Variants in SON observed in about 807,000 individuals in gnomAD.
SON encodes protein SON.
Under a neutral mutation model 173.3 loss-of-function variants are expected in SON, and 4 were observed. That is an observed-to-expected ratio of 0.02 (90% CI 0.01 to 0.05). The LOEUF (loss-of-function observed/expected upper bound fraction) is 0.05, where lower values mean the gene tolerates loss of function less well. Ranked by LOEUF, SON falls within the 10% of genes least tolerant of loss-of-function variation. The probability of loss-of-function intolerance (pLI) is 1.00; values close to 1 mark genes in which losing one functional copy is unlikely to be tolerated. For synonymous variants in SON, 1,190 were observed against 1,105.9 expected, an observed-to-expected ratio of 1.08 and a Z score of -1.51; for missense variants, 2,626 against 3,055.3, an observed-to-expected ratio of 0.86 and a Z score of 3.31.
chr21:33,565,891 G>C (rs953355379), intron 6 of SON, among the ~76,000 whole-genome samples: 1 of 152,152 alleles, frequency 6.6e-6, no homozygotes, highest in Non-Finnish European at 1.5e-5. Context: ...TAGTTTATTA[G>C]CAAGGTAACT....
Position 33,559,826 on chromosome 21 carries a change from C to G in SON, c.6657+51C>G. 1 of 1,605,098 alleles carries G rather than the reference C, an allele frequency of 6.2e-7. No homozygotes were observed. The highest frequency in any genetic ancestry group is 8.5e-7 in the Non-Finnish European group (1 of 1,174,280). On this transcript the variant is annotated intron_variant, in intron 6 of 11. Transcript: ENST00000356577. The surrounding 1 kb of genome is among the most constrained non-coding windows in gnomAD (Gnocchi z 4.1). The stretch of plus-strand genomic sequence containing the variant: ...TTTCCTTTTTTATACCTGAATCTGC[C>G]ATTTCATTGTTATGTTATGTCTGAT...
At chr21:33,570,345 AT>A (rs1420987026) in intron 8 of SON, 1 of 152,176 alleles carries the variant, frequency 6.6e-6, no homozygotes, top group Non-Finnish European at 1.5e-5. Flanking sequence ...GTGTATTTTA[AT>A]CTTGTAACAT....
In SON at chr21:33,553,706, G is replaced by A. The variant is rs1456742698; in HGVS notation, c.4475G>A (p.Gly1492Asp). The change falls in exon 3 of 12, where the codon GGT (glycine) becomes GAT (aspartate). Residue 1492 changes from glycine to aspartate, a missense_variant. Physicochemically the swap from Gly to Asp is moderately conservative, Grantham distance 94. Transcript: ENST00000356577. ...ATGAAAGGAATTAATCTATCCTCTG[G>A]TGATCAAAATCTTGCTCCAGAGATT... Reference protein sequence around the residue: ...HVMKGINLSSGDQNLAPEIGM... With the variant: ...HVMKGINLSSDDQNLAPEIGM... The A allele has an allele frequency of 6.2e-6, 10 of 1,613,998 alleles. No individual in the cohort carries two copies. The highest frequency in any genetic ancestry group is 8.5e-6 in the Non-Finnish European group (10 of 1,179,994).
At chr21:33,570,554 G>A (rs1331982840) in intron 8 of SON, among the ~76,000 whole-genome samples, 3 of 152,126 alleles carry the variant, frequency 2.0e-5, no homozygotes, top group Admixed American at 2.0e-4. Flanking sequence ...GGGTGAAAAT[G>A]TATATAGCAA....
intron 1 of SON, among the ~76,000 whole-genome samples, chr21:33,544,386 G>T (rs1450846935): frequency 6.6e-6 from 1 of 152,222 alleles, no homozygotes; most frequent in Non-Finnish European, 1.5e-5. Flanking sequence ...ATCTCTGGCT[G>T]CAATAAGTAG....
In SON at chr21:33,550,307, A is replaced by G. The variant is rs1163713589; in HGVS notation, c.1076A>G (p.Gln359Arg). ...EIADSSMTRP[Q>R]ELPELPKTTA... is the part of the protein sequence containing the mutation. ...GCAGATTCATCCATGACAAGACCGC[A>G]GGAGTTGCCGGAGCTGCCTAAGACC... is the stretch of plus-strand genomic sequence containing the variant. The change falls in exon 3 of 12, where the codon CAG (glutamine) becomes CGG (arginine). Residue 359 changes from glutamine to arginine, a missense_variant. Around this residue, in one of 13 missense-constraint regions of SON, gnomAD observed 757 missense variants for 730.1 expected, o/e 1.04. Coordinates refer to ENST00000356577, the MANE Select transcript of SON (RefSeq NM_138927.4). 7 of 1,613,996 alleles carry G rather than the reference A, an allele frequency of 4.3e-6. No homozygotes were observed. The highest frequency in any genetic ancestry group is 5.9e-6 in the Non-Finnish European group (7 of 1,180,012).
chr21:33,552,435 A>G lies in SON; in HGVS notation c.3204A>G (p.Ser1068=). Residue 1068 remains serine, a synonymous_variant, in exon 3 of 12, where the codon TCA becomes TCG. Coordinates refer to ENST00000356577, the MANE Select transcript of SON (RefSeq NM_138927.4). The surrounding 1 kb of genome is among the most constrained non-coding windows in gnomAD (Gnocchi z 5.6). ...CAGCTTATGAACGCTCCATGATGTC[A>G]GCTTATGAACGCTCCATGATGTCCC... ...MMSAYERSMM[S]AYERSMMSPM... is the part of the protein sequence containing the mutation. 1 of 1,613,726 alleles carries G rather than the reference A, an allele frequency of 6.2e-7. No homozygotes were observed. Among genetic ancestry groups the G allele is most frequent in the Non-Finnish European group, 8.5e-7 (1 of 1,179,856 alleles).
chr21:33,557,821 A>G, intron 4 of SON: 1 of 722,024 alleles, frequency 1.4e-6, no homozygotes, highest in South Asian at 2.4e-5. Context: ...GGTACCAGCC[A>G]TTGGCGATAA....
intron 6 of SON, chr21:33,560,734 T>A: frequency 2.2e-6 from 1 of 446,798 alleles, no homozygotes; most frequent in Non-Finnish European, 3.0e-6. Flanking sequence ...GTGGGAGTTT[T>A]AATTACTATA....
rs760276596 is a variant in SON at position 33,549,722 on chromosome 21, C to T, written c.491C>T (p.Ala164Val). ...SFLKFDSEPS[A>V]VALELPTRAF... is the part of the protein sequence containing the mutation. ...TTAAAGTTTGATTCTGAACCTTCAG[C>T]TGTGGCGCTGGAGCTTCCTACAAGA... is the stretch of plus-strand genomic sequence containing the variant. Residue 164 changes from alanine (A) to valine (V), a missense_variant, in exon 3 of 12, where the codon GCT becomes GTT. Transcript: ENST00000356577. The T allele has an allele frequency of 6.2e-7, 1 of 1,613,672 alleles. No individual in the cohort carries two copies. The highest frequency in any genetic ancestry group is 8.5e-7 in the Non-Finnish European group (1 of 1,179,874).
intron 1 of SON, among the ~76,000 whole-genome samples, chr21:33,545,141 C>A (rs2145799588): frequency 6.6e-6 from 1 of 152,212 alleles, no homozygotes; most frequent in Middle Eastern, 3.4e-3. Context: ...CCAGCTTCAC[C>A]TCTTAGTAGC....
At position 33,559,292 on chromosome 21, in the gene SON, T is replaced by G. The variant is rs753008794; in HGVS notation, c.6384T>G (p.Val2128=). Residue 2128 remains valine (V), a synonymous_variant, in exon 5 of 12, where the codon GTT becomes GTG. Transcript: ENST00000356577. This position sits in a 1 kb window ranked among gnomAD's most constrained non-coding sequence, Gnocchi z 4.1. ...DDDVIVNKPH[V]SDEEEEEPPF... ...ATGTAATAGTGAATAAACCTCATGT[T>G]TCGGATGAAGAGGAAGAAGAACCTC... The G allele has an allele frequency of 6.2e-7, 1 of 1,612,092 alleles. No individual in the cohort carries two copies. Among genetic ancestry groups the G allele is most frequent in the African/African-American group, 1.3e-5 (1 of 74,846 alleles).
chr21:33,553,285 C>G lies in SON; in HGVS notation c.4054C>G (p.Pro1352Ala). The G allele has an allele frequency of 6.2e-7, 1 of 1,614,166 alleles. No individual in the cohort carries two copies. The highest frequency in any genetic ancestry group is 8.5e-7 in the Non-Finnish European group (1 of 1,180,018). ...SILEPPAMAA[P>A]ESSAMAVLES... ...TCTGGAGCCGCCAGCCATGGCTGCC[C>G]CAGAGTCTTCAGCTATGGCTGTCCT... The change falls in exon 3 of 12, where the codon CCA (proline) becomes GCA (alanine). Residue 1352 changes from proline to alanine, a missense_variant. This residue lies in a region of SON where 1,006 missense variants were observed against 895.6 expected (regional missense o/e 1.12). Transcript: ENST00000356577.
chr21:33,554,363 C>A lies in SON; in HGVS notation c.5132C>A (p.Pro1711His). The change falls in exon 3 of 12, where the codon CCT becomes CAT. Residue 1711 changes from proline (P) to histidine (H), a missense_variant. Physicochemically the swap from Pro to His is moderately conservative, Grantham distance 77. Transcript: ENST00000356577. ...SSGGEKEVPP[P>H]PKETLPDSGF... ...GGAGGAGAAAAAGAAGTACCTCCCC[C>A]TCCTAAAGAGACACTGCCTGATTCA... 6.2e-7 allele frequency: 1 copy of A among 1,614,148 alleles called. No individual in the cohort carries two copies. Among genetic ancestry groups the A allele is most frequent in the South Asian group, 1.1e-5 (1 of 91,084 alleles).
Position 33,575,963 on chromosome 21 carries a change from A to G in SON, c.7221+70A>G, listed in dbSNP as rs1438364556. ...ATGACTTAGAGGGTGAGGGGTAAAC[A>G]TGATCACAGGATTAAGATTCTGTTC... On this transcript the variant is annotated intron_variant, in intron 11 of 11. Transcript: ENST00000356577. The G allele has an allele frequency of 6.8e-6, 5 of 740,436 alleles. No homozygotes were observed. In the African/African-American group the frequency reaches 8.9e-5, roughly 13 times the overall value. The allele number at this position is 740,436 out of a possible 1,614,324, so 45.9% of individuals were successfully genotyped here. A position where few individuals can be genotyped will look rare whatever the true frequency, so the allele number is the denominator to read the frequency against.
In SON at chr21:33,559,042, ATGT is replaced by A. The variant is rs1364681367; in HGVS notation, c.6322-182_6322-180del. 2.6e-5 allele frequency: 11 copies of A among 425,438 alleles called. No individual in the cohort carries two copies. The highest frequency in any genetic ancestry group is 1.3e-4 in the South Asian group (3 of 22,376). 26.4% of individuals were successfully genotyped at this position (425,438 alleles called of 1,614,324 possible). On this transcript the variant is annotated intron_variant, in intron 4 of 11. Transcript: ENST00000356577. The surrounding 1 kb of genome is among the most constrained non-coding windows in gnomAD (Gnocchi z 4.1). Reference sequence around the variant, plus strand: ...TCTGCACATAGTAGGTGCTCAATAAATGTTGTTGACTGACTGACCAGCCAGAGT... The same window carrying A: ...TCTGCACATAGTAGGTGCTCAATAAATGTTGACTGACTGACCAGCCAGAGT...
intron 8 of SON, chr21:33,570,163 T>A (rs550950725): frequency 6.6e-6 from 1 of 152,462 alleles, no homozygotes; most frequent in South Asian, 2.1e-4. Flanking sequence ...AAGGTTTCTT[T>A]ATCCTGTTGT....
rs76695981 is a variant in SON at position 33,568,948 on chromosome 21, C to T, written c.6769-23C>T. 9,401 of 1,434,332 alleles carry T rather than the reference C, an allele frequency of 6.6e-3. 446 individuals carry two copies. The African/African-American group carries it at 0.11, about 17-fold the overall frequency. The allele number at this position is 1,434,332 out of a possible 1,614,324, so 88.9% of individuals were successfully genotyped here. On this transcript the variant is annotated intron_variant, in intron 7 of 11. Coordinates refer to ENST00000356577, the MANE Select transcript of SON (RefSeq NM_138927.4). Reference sequence around the variant, plus strand: ...TAATCAGGTAATTTTACTTAGTTAACTGAGACTACTTCTTTTCTTCAGATT... The same window carrying T: ...TAATCAGGTAATTTTACTTAGTTAATTGAGACTACTTCTTTTCTTCAGATT...
rs770709542 is a variant in SON, at chr21:33,552,031, C to G, written c.2800C>G (p.Pro934Ala). The G allele has an allele frequency of 2.5e-6, 4 of 1,614,080 alleles. No homozygotes were observed. In the South Asian group the frequency reaches 4.4e-5, roughly 18 times the overall value. The change falls in exon 3 of 12, where the codon CCC becomes GCC. Residue 934 changes from proline (P) to alanine (A), a missense_variant. Pro to Ala is a conservative substitution (Grantham distance 27). Transcript: ENST00000356577. This position sits in a 1 kb window ranked among gnomAD's most constrained non-coding sequence, Gnocchi z 5.6. ...GGATCCCTATAGGTTGGGCCATGAC[C>G]CCTATAGATTAGGTCATGATGCTTA... ...AQDPYRLGHD[P>A]YRLGHDAYRL... is the part of the protein sequence containing the mutation.
Sources: allele counts gnomAD v4.1 joint callset (sites outside exome capture counted in the v4.1 genomes callset), GRCh38; gene constraint gnomAD v4.1.1; regional missense constraint gnomAD v4.1.1; non-coding constraint Gnocchi (gnomAD v3.1); transcripts MANE v1.5; gene names NCBI Gene and HGNC (gene_info 2026-07-23, HGNC 2026-07-21).